The following SPTBN1 variants were observed in gnomAD, a reference collection of about 807,000 sequenced individuals.
SPTBN1 encodes the protein spectrin beta chain, non-erythrocytic 1.
Under a neutral mutation model 266.4 loss-of-function variants are expected in SPTBN1, and 32 were observed. The observed-to-expected ratio is 0.12, with a 90% CI of 0.09 to 0.16. SPTBN1 has a LOEUF of 0.16. SPTBN1 is among the 10% of genes least tolerant of loss of function. The pLI is 1.00. For missense variants in SPTBN1, 2,296 were observed against 3,067.1 expected, an observed-to-expected ratio of 0.75 and a Z score of 5.94; for synonymous variants, 1,336 against 1,162.2, an observed-to-expected ratio of 1.15 and a Z score of -3.04.
chr2:54,628,835 A>C lies in SPTBN1; in HGVS notation c.1799-98A>C. 6.9e-7 allele frequency: 1 copy of C among 1,446,174 alleles called. No individual in the cohort carries two copies. Among genetic ancestry groups the C allele is most frequent in the Middle Eastern group, 1.9e-4 (1 of 5,294 alleles). The allele number at this position is 1,446,174 out of a possible 1,614,324, so 89.6% of individuals were successfully genotyped here. On this transcript the variant is annotated intron_variant, in intron 13 of 35. Coordinates refer to ENST00000356805, the MANE Select transcript of SPTBN1 (RefSeq NM_003128.3). The surrounding 1 kb of genome is among the most constrained non-coding windows in gnomAD (Gnocchi z 4.3). ...ATTTACATTTAGCAGTGAGCTGGTAATCATAAGAATATGGGGTGTAGCTTA... is the reference window on the plus strand; with the variant it reads ...ATTTACATTTAGCAGTGAGCTGGTACTCATAAGAATATGGGGTGTAGCTTA...
At chr2:54,456,838 GGCGATTCCTCCTCCCT>G (rs1201313954) in intron 1 of SPTBN1, among the ~76,000 whole-genome samples, 1 of 151,324 alleles carries the variant, frequency 6.6e-6, no homozygotes, top group African/African-American at 2.4e-5. Flanking sequence ...GGCGCGGCGC[GGCGATTCCTCCTCCCT>G]GCCTCCGCCG....
chr2:54,614,124 T>A (rs899416116), intron 4 of SPTBN1, among the ~76,000 whole-genome samples: 1 of 152,256 alleles, frequency 6.6e-6, no homozygotes, highest in Non-Finnish European at 1.5e-5. Flanking sequence ...AGGCATAGGC[T>A]GCTGATGTTA....
At chr2:54,658,948 C>T (rs1429159734) in intron 30 of SPTBN1, among the ~76,000 whole-genome samples, 2 of 152,164 alleles carry the variant, frequency 1.3e-5, no homozygotes, top group Non-Finnish European at 2.9e-5. Flanking sequence ...TTTGCCAGCC[C>T]ATGGAATAGA....
intron 24 of SPTBN1, 73 bp downstream of exon 24, chr2:54,647,334 C>T: frequency 6.4e-7 from 1 of 1,562,598 alleles, no homozygotes; most frequent in Non-Finnish European, 8.7e-7. Context: ...TAACCCCCAC[C>T]AAAAGAAAAT....
intron 2 of SPTBN1, among the ~76,000 whole-genome samples, chr2:54,531,819 G>A (rs1671270078): frequency 6.6e-6 from 1 of 152,122 alleles, no homozygotes; most frequent in Non-Finnish European, 1.5e-5. Context: ...TCAGCGTGAT[G>A]ATCAGGAGGA....
At chr2:54,656,459 T>C in intron 29 of SPTBN1, among the ~76,000 whole-genome samples, 1 of 152,248 alleles carries the variant, frequency 6.6e-6, no homozygotes, top group Middle Eastern at 3.2e-3. Context: ...TATTTCTGTG[T>C]TTATTCCCCA....
rs1261290049 is a variant in SPTBN1 at position 54,653,759 on chromosome 2, A to G, written c.5728A>G (p.Thr1910Ala). 6 of 1,614,102 alleles carry G rather than the reference A, an allele frequency of 3.7e-6. No individual in the cohort carries two copies. The highest frequency in any genetic ancestry group is 4.5e-5 in the East Asian group (2 of 44,896). The change falls in exon 27 of 36, where the codon ACA becomes GCA. Residue 1910 changes from threonine to alanine, a missense_variant. Thr to Ala is a moderately conservative substitution (Grantham distance 58, BLOSUM62 0). Around this residue, in one of 12 missense-constraint regions of SPTBN1, gnomAD observed 644 missense variants for 745.3 expected, o/e 0.86. Transcript: ENST00000356805. The surrounding 1 kb of genome is among the most constrained non-coding windows in gnomAD (Gnocchi z 5.1). ...GAGCCGCAGGGTGCGGCTGGTGGAC[A>G]CAGGGGACAAGTTCCGCTTCTTCAG... ...CESRRVRLVD[T>A]GDKFRFFSMV...
At chr2:54,566,065 T>C (rs1231053300) in intron 2 of SPTBN1, among the ~76,000 whole-genome samples, 1 of 152,230 alleles carries the variant, frequency 6.6e-6, no homozygotes, top group Non-Finnish European at 1.5e-5. Flanking sequence ...GTTTAGCCAC[T>C]TGTAGATCCT....
At chr2:54,636,572 T>C (rs1359603319) in intron 17 of SPTBN1, among the ~76,000 whole-genome samples, 2 of 152,218 alleles carry the variant, frequency 1.3e-5, no homozygotes, top group African/African-American at 4.8e-5. Flanking sequence ...GGGAAGTTTC[T>C]TCAGACACCG....
intron 1 of SPTBN1, among the ~76,000 whole-genome samples, chr2:54,512,516 A>G (rs958250045): frequency 6.6e-6 from 1 of 152,246 alleles, no homozygotes; most frequent in Non-Finnish European, 1.5e-5. Context: ...ATATTTTACA[A>G]AGAGAAATGA....
chr2:54,491,411 TTGA>T (rs556542120), intron 1 of SPTBN1, among the ~76,000 whole-genome samples: 3 of 152,238 alleles, frequency 2.0e-5, no homozygotes, highest in Non-Finnish European at 4.4e-5. Flanking sequence ...GTTGACATTC[TTGA>T]TGAAGGACTG....
At chr2:54,667,712 C>T (rs1572791132) in intron 35 of SPTBN1, 66 bp downstream of exon 35, 1 of 1,410,976 alleles carries the variant, frequency 7.1e-7, no homozygotes, top group East Asian at 2.3e-5. Flanking sequence ...TGATGATGGG[C>T]TTTATTCAGA....
chr2:54,514,907 C>G (rs1418180674), intron 1 of SPTBN1, among the ~76,000 whole-genome samples: 1 of 152,142 alleles, frequency 6.6e-6, no homozygotes, highest in Non-Finnish European at 1.5e-5. Flanking sequence ...TAACAAAACC[C>G]CCTTCTTGCC....
At chr2:54,551,754 A>G (rs999124338) in intron 2 of SPTBN1, among the ~76,000 whole-genome samples, 1 of 152,184 alleles carries the variant, frequency 6.6e-6, no homozygotes, top group Non-Finnish European at 1.5e-5. Flanking sequence ...AAAGAGAGGG[A>G]GAAAGAACCA....
At chr2:54,491,105 G>A (rs1316951904) in intron 1 of SPTBN1, among the ~76,000 whole-genome samples, 1 of 152,172 alleles carries the variant, frequency 6.6e-6, no homozygotes, top group Non-Finnish European at 1.5e-5. Flanking sequence ...CAGTCAGGAA[G>A]TTGTGGCAAT....
At chr2:54,522,267 GA>G (rs1189803955) in intron 1 of SPTBN1, among the ~76,000 whole-genome samples, 1 of 151,846 alleles carries the variant, frequency 6.6e-6, no homozygotes, top group East Asian at 1.9e-4. Context: ...AGAACATTAG[GA>G]AAAAAGGTGC....
chr2:54,610,872 A>G (rs1429736563), intron 3 of SPTBN1, among the ~76,000 whole-genome samples: 1 of 152,240 alleles, frequency 6.6e-6, no homozygotes, highest in African/African-American at 2.4e-5. Flanking sequence ...AAAATACACA[A>G]GAACTGTGAG....
chr2:54,559,554 A>T (rs960136762), intron 2 of SPTBN1, among the ~76,000 whole-genome samples: 1 of 152,308 alleles, frequency 6.6e-6, no homozygotes, highest in Non-Finnish European at 1.5e-5. Context: ...AATGAGTCCA[A>T]TATTTTACTG....
chr2:54,529,243 G>T, intron 2 of SPTBN1: 1 of 383,080 alleles, frequency 2.6e-6, no homozygotes, highest in South Asian at 2.1e-5. Context: ...TTCCTTCGGT[G>T]TTTGAGACCA....
Sources: allele counts gnomAD v4.1 joint callset (sites outside exome capture counted in the v4.1 genomes callset), GRCh38; gene constraint gnomAD v4.1.1; regional missense constraint gnomAD v4.1.1; non-coding constraint Gnocchi (gnomAD v3.1); transcripts MANE v1.5; gene names NCBI Gene and HGNC (gene_info 2026-07-23, HGNC 2026-07-21).